The following FHIT variants were observed in gnomAD, a reference collection of about 807,000 sequenced individuals.
FHIT encodes the protein fragile histidine triad diadenosine triphosphatase, also known as bis(5'-adenosyl)-triphosphatase.
Under a neutral mutation model 17.9 loss-of-function variants are expected in FHIT, and 19 were observed. The observed-to-expected ratio is 1.06, with a 90% CI of 0.74 to 1.56. The LOEUF is 1.56. Ranked by LOEUF, FHIT falls within the 40% of genes most tolerant of loss-of-function variation. FHIT has a pLI of 0.00. For missense variants in FHIT, 248 were observed against 189.2 expected (o/e 1.31, Z -1.82); for synonymous variants, 81 against 69.7 (o/e 1.16, Z -0.81).
chr3:60,516,871 T>A (rs2035180030), intron 5 of FHIT, among the ~76,000 whole-genome samples: 1 of 152,210 alleles, frequency 6.6e-6, no homozygotes, highest in Non-Finnish European at 1.5e-5. Context: ...ATAATAGGGA[T>A]AATTATAATA....
intron 5 of FHIT, among the ~76,000 whole-genome samples, chr3:60,028,113 C>T (rs563661004): frequency 1.8e-4 from 28 of 152,254 alleles, no homozygotes; most frequent in African/African-American, 5.8e-4. Context: ...GGAACTGGCA[C>T]AACTGGAAAA....
At chr3:60,029,903 G>GTGTGTGTGTGTGTGTGTC (rs1559562906) in intron 5 of FHIT, among the ~76,000 whole-genome samples, 16 of 145,878 alleles carry the variant, frequency 1.1e-4, no homozygotes, top group African/African-American at 3.9e-4. Flanking sequence ...GTGTCTGTGT[G>GTGTGTGTGTGTGTGTGTC]TGTGTGTGTG....
chr3:61,249,926 CAAT>C (rs2040572211), intron 1 of FHIT, among the ~76,000 whole-genome samples: 1 of 136,936 alleles, frequency 7.3e-6, no homozygotes. Context: ...CATATGCAAT[CAAT>C]AACAACACAC....
chr3:61,155,695 T>C (rs754102780), intron 2 of FHIT, among the ~76,000 whole-genome samples: 8 of 152,294 alleles, frequency 5.3e-5, no homozygotes, highest in Non-Finnish European at 1.2e-4. Flanking sequence ...AGAGTTACCA[T>C]AGAAGGCCTG....
intron 4 of FHIT, among the ~76,000 whole-genome samples, chr3:60,568,652 C>T (rs1224292850): frequency 1.3e-5 from 2 of 151,962 alleles, no homozygotes; most frequent in African/African-American, 4.8e-5. Flanking sequence ...CTTCCCAACA[C>T]TTTGAGAAAC....
chr3:60,074,886 C>T (rs533868673), intron 5 of FHIT, among the ~76,000 whole-genome samples: 1 of 152,008 alleles, frequency 6.6e-6, no homozygotes, highest in South Asian at 2.1e-4. Context: ...GGTTTAATTA[C>T]CAAGTGAATC....
At chr3:59,902,759 C>A (rs1269528723) in intron 8 of FHIT, among the ~76,000 whole-genome samples, 2 of 152,050 alleles carry the variant, frequency 1.3e-5, no homozygotes, top group African/African-American at 4.8e-5. Flanking sequence ...CTGTTAGAAA[C>A]AGAGCATGGA....
At chr3:60,015,250 C>T (rs907861137) in intron 5 of FHIT, among the ~76,000 whole-genome samples, 3 of 152,074 alleles carry the variant, frequency 2.0e-5, no homozygotes, top group African/African-American at 7.2e-5. Flanking sequence ...CAAGGGGAAA[C>T]ACAACTGAGC....
chr3:59,948,468 G>A (rs1423354207), intron 7 of FHIT, among the ~76,000 whole-genome samples: 2 of 151,610 alleles, frequency 1.3e-5, no homozygotes, highest in African/African-American at 4.8e-5. Flanking sequence ...AGTGAGCTGA[G>A]ATCATGCCAC....
At chr3:61,083,450 C>T (rs1165917147) in intron 2 of FHIT, among the ~76,000 whole-genome samples, 3 of 152,136 alleles carry the variant, frequency 2.0e-5, no homozygotes, top group Non-Finnish European at 2.9e-5. Flanking sequence ...ATTAGCCGGG[C>T]GAAGTGGCGG....
chr3:60,412,615 C>G (rs1403006531), intron 5 of FHIT, among the ~76,000 whole-genome samples: 1 of 152,006 alleles, frequency 6.6e-6, no homozygotes, highest in Non-Finnish European at 1.5e-5. Context: ...TTCCTCATAG[C>G]CATACCAGGA....
At chr3:59,828,597 C>T (rs1001999966) in intron 8 of FHIT, among the ~76,000 whole-genome samples, 1 of 152,176 alleles carries the variant, frequency 6.6e-6, no homozygotes, top group Non-Finnish European at 1.5e-5. Context: ...TTCACATACA[C>T]TTCACAAGGC....
intron 5 of FHIT, among the ~76,000 whole-genome samples, chr3:60,226,512 A>G (rs947771467): frequency 1.4e-5 from 2 of 148,104 alleles, no homozygotes; most frequent in Non-Finnish European, 3.0e-5. Context: ...TGCCTGCACT[A>G]TACTAACATG....
intron 7 of FHIT, among the ~76,000 whole-genome samples, chr3:59,935,486 A>G (rs1210338454): frequency 6.6e-6 from 1 of 152,086 alleles, no homozygotes; most frequent in African/African-American, 2.4e-5. Flanking sequence ...GCTTTTTACC[A>G]CAAAGTATAA....
intron 2 of FHIT, among the ~76,000 whole-genome samples, chr3:61,081,283 C>CT (rs1260430944): frequency 6.6e-6 from 1 of 152,164 alleles, no homozygotes; most frequent in African/African-American, 2.4e-5. Flanking sequence ...ACCAACCTGC[C>CT]TCTCCTGCTG....
chr3:60,570,474 G>A (rs1240088447), intron 4 of FHIT, among the ~76,000 whole-genome samples: 1 of 152,060 alleles, frequency 6.6e-6, no homozygotes, highest in South Asian at 2.1e-4. Context: ...ATAAGAACCT[G>A]TAACTTATCT....
chr3:60,036,977 T>G (rs920117805), intron 5 of FHIT, among the ~76,000 whole-genome samples: 2 of 152,164 alleles, frequency 1.3e-5, no homozygotes, highest in Non-Finnish European at 1.5e-5. Flanking sequence ...TTGCCTCTAG[T>G]GAAAGGAGAT....
chr3:60,498,809 CT>C (rs1225389708), intron 5 of FHIT, among the ~76,000 whole-genome samples: 3 of 151,970 alleles, frequency 2.0e-5, no homozygotes, highest in Non-Finnish European at 4.4e-5. Context: ...TCTGTATACA[CT>C]TTTACACCAA....
chr3:60,902,887 A>G (rs11130794), intron 3 of FHIT, among the ~76,000 whole-genome samples: 51,042 of 152,078 alleles, frequency 0.34, 10,865 homozygotes, highest in East Asian at 0.83. Context: ...ACAGCATAGA[A>G]AGAAATCTTT....
Sources: gnomAD v4.1 joint callset for allele counts (sites outside exome capture counted in the v4.1 genomes callset) on GRCh38, gnomAD v4.1.1 for gene constraint, MANE v1.5 for transcripts, NCBI Gene and HGNC (gene_info 2026-07-23, HGNC 2026-07-21) for gene names.